SPHKAP: variants seen among roughly 807,000 people sequenced by gnomAD.
The protein encoded by SPHKAP is A-kinase anchor protein SPHKAP.
A neutral mutation model predicts 137.5 loss-of-function variants in SPHKAP; 67 were observed. The ratio of observed to expected loss-of-function variants is 0.49; its 90% CI spans 0.40 to 0.60. SPHKAP has a LOEUF of 0.60. SPHKAP is among the 20% of genes least tolerant of loss of function. The pLI is 0.00. For synonymous variants in SPHKAP, 813 were observed against 785.3 expected (o/e 1.04, Z -0.59); for missense variants, 2,097 against 2,069.3 (o/e 1.01, Z -0.26).
At chr2:228,096,442 G>A (rs899727381) in intron 3 of SPHKAP, among the ~76,000 whole-genome samples, 6 of 151,990 alleles carry the variant, frequency 3.9e-5, no homozygotes, top group Non-Finnish European at 5.9e-5. Context: ...ACCCCGACAA[G>A]CCCCTCTCCC....
At chr2:228,059,176 G>C (rs1163997450) in intron 3 of SPHKAP, among the ~76,000 whole-genome samples, 2 of 152,144 alleles carry the variant, frequency 1.3e-5, no homozygotes, top group Non-Finnish European at 1.5e-5. Flanking sequence ...ACCATGGTTT[G>C]TTTATCCATT....
chr2:228,132,105 C>T lies in SPHKAP; in HGVS notation c.33-20G>A, dbSNP rs780118465. The T allele has an allele frequency of 1.9e-6, 3 of 1,583,898 alleles. No homozygotes were observed. The highest frequency in any genetic ancestry group is 2.2e-5 in the South Asian group (2 of 90,440). On this transcript the variant is annotated intron_variant, in intron 1 of 11. Transcript: ENST00000392056. Reference sequence around the variant, plus strand: ...AAGTTGCTGTTTGTGACCCAAAACACAAAAACACATTCCAGTGAGTCATAT... The same window carrying T: ...AAGTTGCTGTTTGTGACCCAAAACATAAAAACACATTCCAGTGAGTCATAT...
intron 5 of SPHKAP, among the ~76,000 whole-genome samples, chr2:228,025,175 A>G (rs538682371): frequency 1.3e-5 from 2 of 152,372 alleles, no homozygotes; most frequent in African/African-American, 2.4e-5. Flanking sequence ...GGAATTTGAG[A>G]AGATAATAGA....
At chr2:228,065,987 G>A (rs1325509257) in intron 3 of SPHKAP, among the ~76,000 whole-genome samples, 3 of 152,196 alleles carry the variant, frequency 2.0e-5, no homozygotes, top group African/African-American at 7.2e-5. Context: ...CAATACAAGT[G>A]AGAGAAGCTA....
At chr2:227,982,195 T>C (rs1693026332) in intron 11 of SPHKAP, 1 of 985,246 alleles carries the variant, frequency 1.0e-6, no homozygotes, top group South Asian at 4.7e-5. Context: ...CAGTTAGACT[T>C]TCTGTAATAG....
At chr2:228,071,944 C>T (rs555529862) in intron 3 of SPHKAP, among the ~76,000 whole-genome samples, 4 of 152,290 alleles carry the variant, frequency 2.6e-5, no homozygotes, top group South Asian at 2.1e-4. Flanking sequence ...CTGCCTTCTA[C>T]GGAACCTATC....
At chr2:228,030,454 CA>C (rs11287312) in intron 3 of SPHKAP, among the ~76,000 whole-genome samples, 84,608 of 141,468 alleles carry the variant, frequency 0.6, 25,513 homozygotes, top group African/African-American at 0.75. Context: ...GCAGAGGTTG[CA>C]AGTGAGCCAA....
intron 3 of SPHKAP, among the ~76,000 whole-genome samples, chr2:228,069,181 C>T (rs142162212): frequency 6.6e-5 from 10 of 152,200 alleles, no homozygotes; most frequent in South Asian, 2.1e-4. Flanking sequence ...ATGGGAGAAT[C>T]GCTTGAACCT....
At chr2:228,106,634 C>G (rs140651945) in intron 3 of SPHKAP, among the ~76,000 whole-genome samples, 54 of 152,252 alleles carry the variant, frequency 3.5e-4, no homozygotes, top group African/African-American at 1.3e-3. Flanking sequence ...AGTCCTTATT[C>G]CTTGACGATT....
chr2:228,036,285 C>T (rs1302443441), intron 3 of SPHKAP, among the ~76,000 whole-genome samples: 5 of 152,124 alleles, frequency 3.3e-5, no homozygotes, highest in Non-Finnish European at 7.3e-5. Flanking sequence ...TGAAAAAATG[C>T]TCCTCATCAC....
intron 3 of SPHKAP, among the ~76,000 whole-genome samples, chr2:228,063,770 A>C (rs1157102483): frequency 6.6e-6 from 1 of 152,218 alleles, no homozygotes; most frequent in Admixed American, 6.5e-5. Context: ...CAAAGATTAC[A>C]TTAATGATTT....
chr2:228,098,124 T>A (rs1698054361), intron 3 of SPHKAP, among the ~76,000 whole-genome samples: 1 of 149,844 alleles, frequency 6.7e-6, no homozygotes, highest in Non-Finnish European at 1.5e-5. Flanking sequence ...TTCCCTTTTT[T>A]TCTGCAACGT....
Position 228,045,229 on chromosome 2 carries a change from C to T in SPHKAP, c.247-17686G>A, listed in dbSNP as rs565856356. Among the ~76,000 whole-genome samples the T allele has an allele frequency of 2.5e-4, 38 of 150,850 alleles. 1 individual carries two copies. In the South Asian group the frequency reaches 3.4e-3, roughly 13 times the overall value. On this transcript the variant is annotated intron_variant, in intron 3 of 11. Transcript: ENST00000392056. ...TCTAGAACTAGAAATACCATTTGAC[C>T]CAGCCATCCCATTACTGGGTATATA...
chr2:228,009,306 T>C (rs1266842798), intron 7 of SPHKAP, among the ~76,000 whole-genome samples: 2 of 152,184 alleles, frequency 1.3e-5, no homozygotes, highest in East Asian at 1.9e-4. Flanking sequence ...TTCTTTATGA[T>C]TTGCTTTTAA....
intron 2 of SPHKAP, among the ~76,000 whole-genome samples, chr2:228,127,652 C>T (rs1423053501): frequency 6.6e-6 from 1 of 152,162 alleles, no homozygotes; most frequent in Non-Finnish European, 1.5e-5. Context: ...GATCATCCTT[C>T]TGAGTACCTT....
At chr2:228,035,554 A>G (rs1176602808) in intron 3 of SPHKAP, among the ~76,000 whole-genome samples, 1 of 152,224 alleles carries the variant, frequency 6.6e-6, no homozygotes, top group Non-Finnish European at 1.5e-5. Context: ...ATGGAACAAA[A>G]AAAGAGCCTG....
intron 3 of SPHKAP, among the ~76,000 whole-genome samples, chr2:228,055,541 G>A (rs950494978): frequency 1.3e-5 from 2 of 152,098 alleles, no homozygotes; most frequent in Admixed American, 1.3e-4. Context: ...GCTGCTTCTG[G>A]CACCTTGGAG....
At chr2:228,059,408 C>T (rs1013749288) in intron 3 of SPHKAP, among the ~76,000 whole-genome samples, 3 of 152,144 alleles carry the variant, frequency 2.0e-5, no homozygotes, top group African/African-American at 7.2e-5. Context: ...AAAGGACTCT[C>T]TATAAACATT....
At chr2:228,144,591 C>T (rs1699714421) in intron 1 of SPHKAP, among the ~76,000 whole-genome samples, 1 of 151,812 alleles carries the variant, frequency 6.6e-6, no homozygotes, top group African/African-American at 2.4e-5. Context: ...TGTGACTAGA[C>T]AAAGTTCTTT....
Sources: allele counts gnomAD v4.1 joint callset (sites outside exome capture counted in the v4.1 genomes callset), GRCh38; gene constraint gnomAD v4.1.1; transcripts MANE v1.5; gene names NCBI Gene and HGNC (gene_info 2026-07-23, HGNC 2026-07-21).